The following SLC12A6 variants were observed in gnomAD, a reference collection of about 807,000 sequenced individuals.
SLC12A6 encodes the protein solute carrier family 12 member 6, also known as K-Cl cotransporter 3.
SLC12A6 carries 66 observed loss-of-function variants against 135.3 expected under a neutral mutation model. The ratio of observed to expected loss-of-function variants is 0.49; its 90% CI spans 0.40 to 0.60. The LOEUF is 0.60. Among genes scored for constraint, SLC12A6 ranks in the 20% least tolerant of loss-of-function variants. SLC12A6 has a pLI of 0.00. For synonymous variants in SLC12A6, 513 were observed against 508.8 expected (o/e 1.01, Z -0.11); for missense variants, 1,058 against 1,452.3 (o/e 0.73, Z 4.41).
intron 20 of SLC12A6, 99 bp from the exon 21 acceptor site, chr15:34,238,500 A>C (rs1347788780): frequency 2.3e-6 from 2 of 887,038 alleles, no homozygotes; most frequent in African/African-American, 1.7e-5. Context: ...CACTTCTTTG[A>C]GCAAGGGGTC....
At chr15:34,243,951 A>G (rs773892397) in intron 16 of SLC12A6, 23 bp downstream of exon 16, 2 of 1,357,468 alleles carry the variant, frequency 1.5e-6, no homozygotes, top group Admixed American at 1.7e-5. Context: ...CGTGAGTAAA[A>G]AGAATAAAAG....
intron 2 of SLC12A6, among the ~76,000 whole-genome samples, chr15:34,313,704 C>T (rs1418230717): frequency 6.6e-6 from 1 of 152,160 alleles, no homozygotes; most frequent in African/African-American, 2.4e-5. Flanking sequence ...CAAGACAATG[C>T]CTCGCTTCAA....
chr15:34,242,864 A>G (rs978147281), intron 16 of SLC12A6, among the ~76,000 whole-genome samples: 4 of 152,102 alleles, frequency 2.6e-5, no homozygotes, highest in Non-Finnish European at 5.9e-5. Flanking sequence ...CCCTGTCTTT[A>G]CTAAAAATAC....
intron 2 of SLC12A6, among the ~76,000 whole-genome samples, chr15:34,287,904 A>C (rs907020539): frequency 6.6e-6 from 1 of 152,218 alleles, no homozygotes; most frequent in African/African-American, 2.4e-5. Flanking sequence ...ATAGATAGCA[A>C]AAATTTTCTC....
chr15:34,300,531 T>G (rs186560201), intron 2 of SLC12A6, among the ~76,000 whole-genome samples: 1 of 152,070 alleles, frequency 6.6e-6, no homozygotes, highest in African/African-American at 2.4e-5. Context: ...GCACAGTGGC[T>G]CATGTCTGTA....
chr15:34,335,903 G>T (rs1000985986), intron 2 of SLC12A6, among the ~76,000 whole-genome samples: 2 of 152,118 alleles, frequency 1.3e-5, no homozygotes, highest in African/African-American at 4.8e-5. Context: ...CTTGTGTCAA[G>T]GTCTCCATAA....
At chr15:34,335,768 T>A (rs917605025) in intron 2 of SLC12A6, among the ~76,000 whole-genome samples, 1 of 152,164 alleles carries the variant, frequency 6.6e-6, no homozygotes, top group Non-Finnish European at 1.5e-5. Flanking sequence ...CATCAGACTT[T>A]CCATCTAAAG....
intron 2 of SLC12A6, among the ~76,000 whole-genome samples, chr15:34,296,879 T>C (rs1419358591): frequency 6.6e-6 from 1 of 152,198 alleles, no homozygotes; most frequent in Non-Finnish European, 1.5e-5. Flanking sequence ...TGCTTCTACT[T>C]TGATATTTGA....
intron 10 of SLC12A6, 142 bp from the exon 11 acceptor site, chr15:34,251,199 A>G (rs1244736229): frequency 1.0e-5 from 7 of 678,502 alleles, no homozygotes; most frequent in African/African-American, 1.8e-5. Flanking sequence ...GCACATGTAT[A>G]CACACACATT....
intron 2 of SLC12A6, among the ~76,000 whole-genome samples, chr15:34,284,431 G>A (rs896313465): frequency 6.6e-6 from 1 of 150,958 alleles, no homozygotes; most frequent in Non-Finnish European, 1.5e-5. Context: ...CGCCCACCAC[G>A]CCCAGCTAAT....
intron 13 of SLC12A6, among the ~76,000 whole-genome samples, chr15:34,249,406 T>A (rs952992454): frequency 2.6e-5 from 4 of 151,298 alleles, no homozygotes; most frequent in African/African-American, 9.7e-5. Context: ...CAAAAAAAAT[T>A]AAAAAAAACT....
chr15:34,243,727 A>G lies in SLC12A6; in HGVS notation c.2042+247T>C, dbSNP rs547737425. On this transcript the variant is annotated intron_variant, in intron 16 of 25. Coordinates refer to ENST00000354181, the MANE Select transcript of SLC12A6 (RefSeq NM_001365088.1). ...AGAAGGTTGTTTTAACCTGAAAATT[A>G]TAGAAGGCTGGATATCTCTATTTAG... 5.9e-5 allele frequency among the ~76,000 whole-genome samples: 9 copies of G among 152,368 alleles called. No homozygotes were observed. In the South Asian group the frequency reaches 1.9e-3, roughly 32 times the overall value.
chr15:34,268,317 T>C (rs534474518), intron 3 of SLC12A6, among the ~76,000 whole-genome samples: 7 of 152,308 alleles, frequency 4.6e-5, no homozygotes, highest in African/African-American at 1.2e-4. Context: ...GGTAGAAGAA[T>C]ATCCCTGGAG....
intron 2 of SLC12A6, among the ~76,000 whole-genome samples, chr15:34,315,402 T>C (rs149946740): frequency 2.4e-4 from 36 of 152,264 alleles, no homozygotes; most frequent in African/African-American, 8.7e-4. Flanking sequence ...AAGGCTCAGA[T>C]GATCATTAGC....
chr15:34,305,281 G>A (rs1371962036), intron 2 of SLC12A6, among the ~76,000 whole-genome samples: 1 of 151,824 alleles, frequency 6.6e-6, no homozygotes, highest in African/African-American at 2.4e-5. Context: ...ATAATTTTAT[G>A]TTGTTTAATT....
chr15:34,318,950 G>T, intron 2 of SLC12A6: 1 of 342,138 alleles, frequency 2.9e-6, no homozygotes, highest in Non-Finnish European at 4.1e-6. Flanking sequence ...AGAACCCCAA[G>T]AACAGTTTAG....
At chr15:34,280,628 G>C (rs1320828727) in intron 2 of SLC12A6, among the ~76,000 whole-genome samples, 1 of 152,084 alleles carries the variant, frequency 6.6e-6, no homozygotes, top group East Asian at 1.9e-4. Flanking sequence ...CTCAAGAAAA[G>C]TACAACTAGA....
At chr15:34,244,402 A>G (rs890450707) in intron 15 of SLC12A6, among the ~76,000 whole-genome samples, 2 of 152,192 alleles carry the variant, frequency 1.3e-5, no homozygotes, top group African/African-American at 2.4e-5. Context: ...CTCTACTACT[A>G]ATCACCTTAG....
At chr15:34,237,698 GT>G (rs1891365124) in intron 21 of SLC12A6, 148 bp from the exon 22 acceptor site, 1 of 659,434 alleles carries the variant, frequency 1.5e-6, no homozygotes, top group Non-Finnish European at 2.7e-6. Context: ...CTATGTTATT[GT>G]ATTAGGGCAA....
Sources: gnomAD v4.1 joint callset for allele counts (sites outside exome capture counted in the v4.1 genomes callset) on GRCh38, gnomAD v4.1.1 for gene constraint, MANE v1.5 for transcripts, NCBI Gene and HGNC (gene_info 2026-07-23, HGNC 2026-07-21) for gene names.